The following AGPAT4 variants were observed in gnomAD, a reference collection of about 807,000 sequenced individuals.
The protein encoded by AGPAT4 is 1-acyl-sn-glycerol-3-phosphate acyltransferase delta.
AGPAT4 carries 15 observed loss-of-function variants against 48.0 expected under a neutral mutation model. The observed-to-expected ratio is 0.31, with a 90% CI of 0.21 to 0.48. The LOEUF is 0.48. Ranked by LOEUF, AGPAT4 falls within the 20% of genes least tolerant of loss-of-function variation. AGPAT4 has a pLI of 0.99. For synonymous variants in AGPAT4, 178 were observed against 198.7 expected (o/e 0.90, Z 0.88); for missense variants, 314 against 482.5 (o/e 0.65, Z 3.27).
chr6:161,203,001 G>A (rs1212312434), intron 2 of AGPAT4, among the ~76,000 whole-genome samples: 2 of 152,132 alleles, frequency 1.3e-5, no homozygotes, highest in African/African-American at 2.4e-5. Context: ...CTACTCTCGA[G>A]TCTCCCCACT....
chr6:161,234,249 A>G lies in AGPAT4; in HGVS notation c.-89-1947T>C, dbSNP rs1304258290. Among the ~76,000 whole-genome samples the G allele has an allele frequency of 3.9e-5, 6 of 152,212 alleles. No individual in the cohort carries two copies. The highest frequency in any genetic ancestry group is 8.8e-5 in the Non-Finnish European group (6 of 68,030). ...CACTTACTGGGACTATCCAGAAGGC[A>G]GGCTGCATTCCTGCAAGATTCCTAT... On this transcript the variant is annotated intron_variant, in intron 1 of 8. Coordinates refer to ENST00000320285, the MANE Select transcript of AGPAT4 (RefSeq NM_020133.3). This position sits in a 1 kb window ranked among gnomAD's most constrained non-coding sequence, Gnocchi z 4.4.
chr6:161,153,920 CACACGGCCCCATGGTCAT>C (rs1325972772), intron 4 of AGPAT4, among the ~76,000 whole-genome samples: 2 of 151,082 alleles, frequency 1.3e-5, no homozygotes, highest in African/African-American at 4.9e-5. Flanking sequence ...CCTGGGGTCA[CACACGGCCCCATGGTCAT>C]ACACGGCCCC....
chr6:161,255,639 C>T lies in AGPAT4; in HGVS notation c.-90+18299G>A, dbSNP rs765121614. On this transcript the variant is annotated intron_variant, in intron 1 of 8. Transcript: ENST00000320285. This position sits in a 1 kb window ranked among gnomAD's most constrained non-coding sequence, Gnocchi z 4.7. Reference sequence around the variant, plus strand: ...CCGTCACAAAACACCACATATGGTACGATTCGGTTTATATGAAAGGTTCGG... The same window carrying T: ...CCGTCACAAAACACCACATATGGTATGATTCGGTTTATATGAAAGGTTCGG... Among the ~76,000 whole-genome samples the T allele has an allele frequency of 7.2e-5, 11 of 151,814 alleles. No homozygotes were observed. The highest frequency in any genetic ancestry group is 3.9e-4 in the Admixed American group (6 of 15,238).
Position 161,251,725 on chromosome 6 carries a change from A to G in AGPAT4, c.-89-19423T>C, listed in dbSNP as rs890577060. Reference sequence around the variant, plus strand: ...ATGCCAAGCCCACTTCCCGGGCCTTACGTTTCCCATTCAAACATGGGAGAC... The same window carrying G: ...ATGCCAAGCCCACTTCCCGGGCCTTGCGTTTCCCATTCAAACATGGGAGAC... On this transcript the variant is annotated intron_variant, in intron 1 of 8. Transcript: ENST00000320285. This position sits in a 1 kb window ranked among gnomAD's most constrained non-coding sequence, Gnocchi z 4.6. 5.3e-5 allele frequency among the ~76,000 whole-genome samples: 8 copies of G among 152,304 alleles called. No homozygotes were observed. The highest frequency in any genetic ancestry group is 1.7e-4 in the African/African-American group (7 of 41,588).
intron 1 of AGPAT4, among the ~76,000 whole-genome samples, chr6:161,263,253 C>A (rs1783157209): frequency 6.6e-6 from 1 of 152,132 alleles, no homozygotes; most frequent in Non-Finnish European, 1.5e-5. Context: ...TTTAAAAAGA[C>A]AAACAACAGG....
intron 7 of AGPAT4, among the ~76,000 whole-genome samples, chr6:161,145,688 C>T (rs1265579758): frequency 1.3e-5 from 2 of 151,628 alleles, no homozygotes; most frequent in Non-Finnish European, 2.9e-5. Context: ...CTGCAAAGCT[C>T]TGGGTAATTC....
chr6:161,206,054 T>C lies in AGPAT4; in HGVS notation c.178+25982A>G, dbSNP rs1335144541. On this transcript the variant is annotated intron_variant, in intron 2 of 8. Coordinates refer to ENST00000320285, the MANE Select transcript of AGPAT4 (RefSeq NM_020133.3). This position sits in a 1 kb window ranked among gnomAD's most constrained non-coding sequence, Gnocchi z 4.8. ...GAACTCTTTGTACTCGTATGTTTTT[T>C]CAAGCCCGTGCGATGTAGACAAAAA... Among the ~76,000 whole-genome samples the C allele has an allele frequency of 6.6e-6, 1 of 152,072 alleles. No homozygotes were observed. Among genetic ancestry groups the C allele is most frequent in the Non-Finnish European group, 1.5e-5 (1 of 68,022 alleles).
chr6:161,164,939 C>T lies in AGPAT4; in HGVS notation c.348+1309G>A, dbSNP rs2114978510. Among the ~76,000 whole-genome samples, 3 of 152,302 alleles carry T rather than the reference C, an allele frequency of 2.0e-5. No homozygotes were observed. The Middle Eastern group carries it at 0.01, about 518-fold the overall frequency. On this transcript the variant is annotated intron_variant, in intron 3 of 8. Coordinates refer to ENST00000320285, the MANE Select transcript of AGPAT4 (RefSeq NM_020133.3). The surrounding 1 kb of genome is among the most constrained non-coding windows in gnomAD (Gnocchi z 7.4). The stretch of plus-strand genomic sequence containing the variant: ...GTTTGAATTCCAGGAGACGCTGGCA[C>T]CTCAGAAAGCCTAGCTGTAAAGGTG...
At chr6:161,210,195 G>C (rs556858356) in intron 2 of AGPAT4, among the ~76,000 whole-genome samples, 1 of 152,242 alleles carries the variant, frequency 6.6e-6, no homozygotes, top group South Asian at 2.1e-4. Context: ...TCCTATGATA[G>C]ATTTCTATGA....
rs1780027289 is a variant in AGPAT4, at chr6:161,164,249, C to G, written c.348+1999G>C. Among the ~76,000 whole-genome samples, 1 of 152,238 alleles carries G rather than the reference C, an allele frequency of 6.6e-6. No individual in the cohort carries two copies. Among genetic ancestry groups the G allele is most frequent in the Admixed American group, 6.5e-5 (1 of 15,288 alleles). ...CCTCTCTCTGGACCTGGGTCCCTCC[C>G]TGCATGTGTTGTGGGGCTCACCTTC... On this transcript the variant is annotated intron_variant, in intron 3 of 8. Coordinates refer to ENST00000320285, the MANE Select transcript of AGPAT4 (RefSeq NM_020133.3). The surrounding 1 kb of genome is among the most constrained non-coding windows in gnomAD (Gnocchi z 7.4).
intron 2 of AGPAT4, among the ~76,000 whole-genome samples, chr6:161,183,827 G>A (rs561374625): frequency 1.3e-5 from 2 of 151,664 alleles, no homozygotes; most frequent in East Asian, 3.9e-4. Context: ...AGAGAGAGGG[G>A]AGCCAGCCTC....
rs3798950 is a variant in AGPAT4, at chr6:161,267,051, C to T, written c.-90+6887G>A. On this transcript the variant is annotated intron_variant, in intron 1 of 8. Coordinates refer to ENST00000320285, the MANE Select transcript of AGPAT4 (RefSeq NM_020133.3). The surrounding 1 kb of genome is among the most constrained non-coding windows in gnomAD (Gnocchi z 5.2). ...ACAGAAAGCCTCTGACTCCATCCAC[C>T]CACCGCCTTGGGAACTCTGAGAGCA... Among the ~76,000 whole-genome samples, 17,636 of 152,188 alleles carry T rather than the reference C, an allele frequency of 0.12. 1,170 individuals carry two copies. Among genetic ancestry groups the T allele is most frequent in the Non-Finnish European group, 0.14 (9,678 of 67,998 alleles).
chr6:161,247,946 C>T (rs181314780), intron 1 of AGPAT4, among the ~76,000 whole-genome samples: 1 of 135,154 alleles, frequency 7.4e-6, no homozygotes, highest in East Asian at 2.3e-4. Flanking sequence ...TGTTCCATTG[C>T]ACTCCAGCCT....
intron 3 of AGPAT4, among the ~76,000 whole-genome samples, chr6:161,162,805 A>G (rs1181335352): frequency 2.0e-5 from 3 of 152,238 alleles, no homozygotes; most frequent in African/African-American, 7.2e-5. Flanking sequence ...CTACCCAGAC[A>G]CTGAACGATC....
rs1780461239 is a variant in AGPAT4 at position 161,177,546 on chromosome 6, A to G, written c.179-11129T>C. On this transcript the variant is annotated intron_variant, in intron 2 of 8. Coordinates refer to ENST00000320285, the MANE Select transcript of AGPAT4 (RefSeq NM_020133.3). The surrounding 1 kb of genome is among the most constrained non-coding windows in gnomAD (Gnocchi z 5.0). ...TTTATTCTAGTTAGCCATTCATCTAATCTTTTTTTTCAAGGTTTTTAGCTT... is the reference window on the plus strand; with the variant it reads ...TTTATTCTAGTTAGCCATTCATCTAGTCTTTTTTTTCAAGGTTTTTAGCTT... 6.6e-6 allele frequency among the ~76,000 whole-genome samples: 1 copy of G among 151,976 alleles called. No individual in the cohort carries two copies. Among genetic ancestry groups the G allele is most frequent in the Admixed American group, 6.6e-5 (1 of 15,254 alleles).
intron 2 of AGPAT4, among the ~76,000 whole-genome samples, chr6:161,168,539 C>T (rs971283984): frequency 6.6e-6 from 1 of 152,124 alleles, no homozygotes; most frequent in African/African-American, 2.4e-5. Flanking sequence ...CGCCACGAGA[C>T]AGCAACTGTA....
In AGPAT4 at chr6:161,231,509, G is replaced by A. The variant is rs1168110545; in HGVS notation, c.178+527C>T. Among the ~76,000 whole-genome samples, 1 of 152,108 alleles carries A rather than the reference G, an allele frequency of 6.6e-6. No homozygotes were observed. The highest frequency in any genetic ancestry group is 1.5e-5 in the Non-Finnish European group (1 of 68,034). On this transcript the variant is annotated intron_variant, in intron 2 of 8. Coordinates refer to ENST00000320285, the MANE Select transcript of AGPAT4 (RefSeq NM_020133.3). This position sits in a 1 kb window ranked among gnomAD's most constrained non-coding sequence, Gnocchi z 5.3. ...CTACCATAGGGAGAAACTGGCCAAG[G>A]AGTGTACAGAATTTCTCAGTATTAT...
At position 161,215,269 on chromosome 6, in the gene AGPAT4, T is replaced by C. The variant is rs1781614089; in HGVS notation, c.178+16767A>G. On this transcript the variant is annotated intron_variant, in intron 2 of 8. Transcript: ENST00000320285. The surrounding 1 kb of genome is among the most constrained non-coding windows in gnomAD (Gnocchi z 4.5). ...TGTAATCTGTTGCCTAGTTAGCAAA[T>C]GTTTCTGTAGAATTAAGCTTCCCCG... 6.6e-6 allele frequency among the ~76,000 whole-genome samples: 1 copy of C among 152,202 alleles called. No homozygotes were observed. Among genetic ancestry groups the C allele is most frequent in the South Asian group, 2.1e-4 (1 of 4,836 alleles).
At chr6:161,205,384 T>A (rs1024642248) in intron 2 of AGPAT4, among the ~76,000 whole-genome samples, 7 of 152,040 alleles carry the variant, frequency 4.6e-5, no homozygotes, top group Non-Finnish European at 7.4e-5. Flanking sequence ...GAGGTTAGAG[T>A]GTTCCTTTCC....
Sources: gnomAD v4.1 joint callset for allele counts (sites outside exome capture counted in the v4.1 genomes callset) on GRCh38, gnomAD v4.1.1 for gene constraint, Gnocchi (gnomAD v3.1) non-coding constraint, MANE v1.5 for transcripts, NCBI Gene and HGNC (gene_info 2026-07-23, HGNC 2026-07-21) for gene names.